The following FNDC3A variants were observed in gnomAD, a reference collection of about 807,000 sequenced individuals.
FNDC3A encodes fibronectin type-III domain-containing protein 3A.
A neutral mutation model predicts 148.9 loss-of-function variants in FNDC3A; 32 were observed. That is an observed-to-expected ratio of 0.21 (90% confidence interval 0.16 to 0.29). The LOEUF is 0.29. FNDC3A is among the 10% of genes least tolerant of loss of function. The probability of loss-of-function intolerance (pLI) is 1.00; values close to 1 mark genes in which losing one functional copy is unlikely to be tolerated. For synonymous variants in FNDC3A, 472 were observed against 473.6 expected (o/e 1.00, Z 0.04); for missense variants, 1,191 against 1,452.8 (o/e 0.82, Z 2.93).
At chr13:49,118,647 T>C (rs539849028) in intron 4 of FNDC3A, among the ~76,000 whole-genome samples, 128 of 152,252 alleles carry the variant, frequency 8.4e-4, no homozygotes, top group African/African-American at 2.9e-3. Context: ...GAAGTCCACC[T>C]GGGACACTCA....
At chr13:49,028,473 C>T (rs1295100712) in intron 2 of FNDC3A, among the ~76,000 whole-genome samples, 1 of 151,968 alleles carries the variant, frequency 6.6e-6, no homozygotes, top group Non-Finnish European at 1.5e-5. Context: ...CTCCTGACTT[C>T]AAGTGATCCT....
intron 8 of FNDC3A, among the ~76,000 whole-genome samples, chr13:49,165,075 A>G (rs1884380286): frequency 6.6e-6 from 1 of 152,100 alleles, no homozygotes; most frequent in African/African-American, 2.4e-5. Context: ...TTGTTTTTCT[A>G]AATTATTTGT....
chr13:49,058,370 C>G (rs577720334), intron 2 of FNDC3A, among the ~76,000 whole-genome samples: 2 of 152,102 alleles, frequency 1.3e-5, no homozygotes, highest in African/African-American at 4.8e-5. Flanking sequence ...GATCTAACTA[C>G]CAGGCCCAGG....
chr13:49,001,855 C>G (rs1029503120), intron 1 of FNDC3A, among the ~76,000 whole-genome samples: 5 of 152,178 alleles, frequency 3.3e-5, no homozygotes, highest in African/African-American at 9.7e-5. Context: ...GTCCTGTGAT[C>G]TTGCCCTGCC....
Position 49,138,761 on chromosome 13 carries a change from A to T in FNDC3A, c.775A>T (p.Thr259Ser). The T allele has an allele frequency of 2.0e-6, 3 of 1,490,170 alleles. No homozygotes were observed. The highest frequency in any genetic ancestry group is 2.8e-6 in the Non-Finnish European group (3 of 1,089,160). 92.3% of individuals were successfully genotyped at this position (1,490,170 alleles called of 1,614,324 possible). A position where few individuals can be genotyped will look rare whatever the true frequency, so the allele number is the denominator to read the frequency against. ...ATTTTTTTAAGAAAAAGATGAAGAA[A>T]CTAAAGCATTTGAAGCACTTCTTTC... ...DTEIEEKDEE[T>S]KAFEALLSNI... Residue 259 changes from threonine to serine, a missense_variant, in exon 7 of 26, where the codon ACT becomes TCT. Around this residue, in one of 3 missense-constraint regions of FNDC3A, gnomAD observed 426 missense variants for 473.2 expected, o/e 0.90. Transcript: ENST00000492622.
intron 1 of FNDC3A, among the ~76,000 whole-genome samples, chr13:49,001,848 C>A (rs1230744392): frequency 6.6e-6 from 1 of 152,164 alleles, no homozygotes; most frequent in Non-Finnish European, 1.5e-5. Flanking sequence ...TCCTGTGGTC[C>A]TGTGATCTTG....
chr13:49,122,421 AC>A lies in FNDC3A; in HGVS notation c.252+7692del, dbSNP rs781314208. Reference sequence around the variant, plus strand: ...TGAATGGGCAAAAGCTGGAAGCATTACCTTTGAAAACCAGCAGAAGACAAGG... The same window carrying A: ...TGAATGGGCAAAAGCTGGAAGCATTACTTTGAAAACCAGCAGAAGACAAGG... On this transcript the variant is annotated intron_variant, in intron 4 of 25. Coordinates refer to ENST00000492622, the MANE Select transcript of FNDC3A (RefSeq NM_001079673.2). 2.0e-5 allele frequency among the ~76,000 whole-genome samples: 3 copies of A among 152,252 alleles called. No individual in the cohort carries two copies. The East Asian group carries it at 5.8e-4, about 29-fold the overall frequency.
At chr13:49,175,624 C>G (rs1884990646) in intron 13 of FNDC3A, 83 bp downstream of exon 13, 1 of 832,354 alleles carries the variant, frequency 1.2e-6, no homozygotes, top group Non-Finnish European at 1.9e-6. Context: ...ATGGCATTTT[C>G]TAAATATACA....
chr13:49,078,404 C>T lies in FNDC3A; in HGVS notation c.175+3040C>T, dbSNP rs1393367615. On this transcript the variant is annotated intron_variant, in intron 3 of 25. Transcript: ENST00000492622. ...ATGAGAAGATATTTTTAGGCAGGGA[C>T]ACATTTCTCTGCTTCAGTGGGAAAT... Among the ~76,000 whole-genome samples, 4 of 152,168 alleles carry T rather than the reference C, an allele frequency of 2.6e-5. No individual in the cohort carries two copies. In the East Asian group the frequency reaches 7.7e-4, roughly 29 times the overall value.
chr13:49,195,624 G>A (rs980309745), intron 19 of FNDC3A, among the ~76,000 whole-genome samples: 31 of 151,874 alleles, frequency 2.0e-4, no homozygotes, highest in African/African-American at 4.6e-4. Flanking sequence ...TTGGTAAGTC[G>A]TTATTTATTA....
intron 1 of FNDC3A, among the ~76,000 whole-genome samples, chr13:48,998,788 C>G (rs778543169): frequency 2.6e-5 from 4 of 152,136 alleles, no homozygotes; most frequent in Non-Finnish European, 5.9e-5. Context: ...GGCTGGCTGA[C>G]CGTTTGCTAA....
At chr13:49,043,018 C>T (rs1875066346) in intron 2 of FNDC3A, among the ~76,000 whole-genome samples, 1 of 151,994 alleles carries the variant, frequency 6.6e-6, no homozygotes, top group Admixed American at 6.6e-5. Flanking sequence ...TGCAGTGGTA[C>T]AATCAAGGCT....
intron 3 of FNDC3A, among the ~76,000 whole-genome samples, chr13:49,080,430 C>A (rs1878395916): frequency 6.6e-6 from 1 of 152,060 alleles, no homozygotes. Context: ...AACTTAAATT[C>A]TTGATTACTT....
At chr13:49,191,521 A>C in intron 19 of FNDC3A, 137 bp downstream of exon 19, 1 of 600,694 alleles carries the variant, frequency 1.7e-6, no homozygotes, top group South Asian at 2.6e-5. Flanking sequence ...ACAAGCCTAC[A>C]TTGATAAATA....
intron 1 of FNDC3A, among the ~76,000 whole-genome samples, chr13:48,996,392 C>T (rs193300247): frequency 1.2e-3 from 188 of 152,148 alleles, no homozygotes; most frequent in Non-Finnish European, 2.0e-3. Flanking sequence ...GTCAATCAAC[C>T]GTGGATCAAA....
At chr13:49,059,733 A>G (rs1876522464) in intron 2 of FNDC3A, among the ~76,000 whole-genome samples, 1 of 152,232 alleles carries the variant, frequency 6.6e-6, no homozygotes, top group African/African-American at 2.4e-5. Flanking sequence ...CTGGGATTAC[A>G]GGCATGAGCC....
intron 8 of FNDC3A, among the ~76,000 whole-genome samples, chr13:49,153,370 G>T (rs1298655149): frequency 6.6e-6 from 1 of 151,938 alleles, no homozygotes; most frequent in African/African-American, 2.4e-5. Flanking sequence ...GGGGTTGTTT[G>T]TTTTTTCTTG....
At chr13:49,106,773 C>CAAAAAAAAAAA (rs543962565) in intron 3 of FNDC3A, among the ~76,000 whole-genome samples, 43 of 79,736 alleles carry the variant, frequency 5.4e-4, no homozygotes, top group East Asian at 1.2e-3. Flanking sequence ...TGAATGAAAG[C>CAAAAAAAAAAA]AAAAAAAAAA....
intron 10 of FNDC3A, among the ~76,000 whole-genome samples, chr13:49,169,333 A>G (rs2138048685): frequency 6.6e-6 from 1 of 152,354 alleles, no homozygotes; most frequent in African/African-American, 2.4e-5. Context: ...AATTAAATGC[A>G]GTCTTTCCCA....
Sources: allele counts gnomAD v4.1 joint callset (sites outside exome capture counted in the v4.1 genomes callset), GRCh38; gene constraint gnomAD v4.1.1; regional missense constraint gnomAD v4.1.1; transcripts MANE v1.5; gene names NCBI Gene and HGNC (gene_info 2026-07-23, HGNC 2026-07-21).